GRK4: variants seen among roughly 807,000 people sequenced by gnomAD.
The protein encoded by GRK4 is G protein-coupled receptor kinase 2-like.
In GRK4, 73 loss-of-function variants were observed where a neutral mutation model predicts 77.9. That is an observed-to-expected ratio of 0.94 (90% confidence interval 0.78 to 1.14). The LOEUF (loss-of-function observed/expected upper bound fraction) is 1.14. Among genes scored for constraint, GRK4 ranks in the 50% most tolerant of loss-of-function variants. GRK4 has a pLI of 0.00. For missense variants in GRK4, 729 were observed against 700.2 expected (o/e 1.04, Z -0.46); for synonymous variants, 257 against 254.4 (o/e 1.01, Z -0.10).
chr4:2,971,512 G>A (rs1055273685), intron 1 of GRK4, among the ~76,000 whole-genome samples: 1 of 152,166 alleles, frequency 6.6e-6, no homozygotes, highest in Non-Finnish European at 1.5e-5. Flanking sequence ...AAATGAACAC[G>A]GTAGGTATGC....
chr4:2,984,738 A>C (rs1186089911), intron 2 of GRK4, 130 bp downstream of exon 2: 1 of 433,770 alleles, frequency 2.3e-6, no homozygotes, highest in African/African-American at 2.1e-5. Context: ...TATCTTCATG[A>C]TTCCTCTCAG....
At chr4:2,965,181 C>T (rs758457490) in intron 1 of GRK4, 3 of 656,080 alleles carry the variant, frequency 4.6e-6, no homozygotes, top group Non-Finnish European at 8.4e-6. Context: ...TGTGAATCCA[C>T]TGAGCTGGTG....
chr4:2,964,360 C>G (rs901882135), intron 1 of GRK4, among the ~76,000 whole-genome samples: 1 of 152,152 alleles, frequency 6.6e-6, no homozygotes, highest in African/African-American at 2.4e-5. Flanking sequence ...TGAGAGAAGT[C>G]TGCGCTTTGC....
At chr4:2,974,755 G>T (rs1720599797) in intron 1 of GRK4, among the ~76,000 whole-genome samples, 1 of 152,170 alleles carries the variant, frequency 6.6e-6, no homozygotes, top group Non-Finnish European at 1.5e-5. Context: ...TGATTTCTGA[G>T]ATTTTGGTGC....
At chr4:2,980,528 C>G (rs542327309) in intron 1 of GRK4, among the ~76,000 whole-genome samples, 2 of 151,728 alleles carry the variant, frequency 1.3e-5, no homozygotes, top group South Asian at 4.2e-4. Flanking sequence ...TCTCAATGTG[C>G]AAATACCCCA....
chr4:3,000,991 C>T (rs1367166457), intron 4 of GRK4, among the ~76,000 whole-genome samples: 3 of 151,220 alleles, frequency 2.0e-5, no homozygotes, highest in African/African-American at 7.3e-5. Context: ...TGGCTCTCCC[C>T]TTGGTGATGC....
intron 8 of GRK4, among the ~76,000 whole-genome samples, chr4:3,015,468 G>A (rs1489985214): frequency 6.6e-6 from 1 of 151,680 alleles, no homozygotes; most frequent in Non-Finnish European, 1.5e-5. Context: ...GGCGTCAGGA[G>A]ATCGAGACCC....
intron 4 of GRK4, among the ~76,000 whole-genome samples, chr4:3,000,526 C>A (rs1470720997): frequency 6.6e-6 from 1 of 151,862 alleles, no homozygotes; most frequent in East Asian, 1.9e-4. Flanking sequence ...AGTGAATGAA[C>A]AAACTTCTTT....
chr4:2,984,466 A>T (rs1358954602), intron 1 of GRK4, 47 bp from the exon 2 acceptor site: 2 of 1,028,660 alleles, frequency 1.9e-6, no homozygotes, highest in Admixed American at 1.7e-5. Flanking sequence ...TTATAATTGG[A>T]TATTTCTGAC....
intron 5 of GRK4, among the ~76,000 whole-genome samples, chr4:3,005,760 T>C (rs116561689): frequency 0.012 from 1,750 of 152,172 alleles, 25 homozygotes; most frequent in African/African-American, 0.036. Flanking sequence ...GCCTCCCCTG[T>C]ACTCCACTGT....
chr4:3,034,095 G>A (rs978391721), intron 12 of GRK4, among the ~76,000 whole-genome samples: 2 of 152,140 alleles, frequency 1.3e-5, no homozygotes, highest in African/African-American at 4.8e-5. Flanking sequence ...TGTCATCGAG[G>A]AGAGGTGGAG....
At position 2,964,138 on chromosome 4, in the gene GRK4, G is replaced by A. The variant is rs781627042; in HGVS notation, c.52+16G>A. On this transcript the variant is annotated intron_variant, in intron 1 of 15. Coordinates refer to ENST00000398052, the MANE Select transcript of GRK4 (RefSeq NM_182982.3). ...GCGCGTCAAGGTGGGTGCGCGGCAGGCGCCCCCGACCCCCCCCCCAGAGAA... is the reference window on the plus strand; with the variant it reads ...GCGCGTCAAGGTGGGTGCGCGGCAGACGCCCCCGACCCCCCCCCCAGAGAA... 7 of 1,578,840 alleles carry A rather than the reference G, an allele frequency of 4.4e-6. No individual in the cohort carries two copies. The South Asian group carries it at 8.0e-5, about 18-fold the overall frequency.
At chr4:3,039,698 T>TTA (rs546497545) in intron 15 of GRK4, among the ~76,000 whole-genome samples, 73 of 115,196 alleles carry the variant, frequency 6.3e-4, no homozygotes, top group African/African-American at 2.3e-3. Context: ...AACTCTGTCT[T>TTA]AAAAAAAAAA....
At chr4:3,011,820 C>T (rs1465872934) in intron 7 of GRK4, among the ~76,000 whole-genome samples, 1 of 152,190 alleles carries the variant, frequency 6.6e-6, no homozygotes, top group Admixed American at 6.5e-5. Flanking sequence ...GCTTGAAGTC[C>T]TCCGAAATGA....
intron 12 of GRK4, among the ~76,000 whole-genome samples, chr4:3,032,475 C>A (rs954269913): frequency 6.6e-6 from 1 of 151,998 alleles, no homozygotes; most frequent in African/African-American, 2.4e-5. Flanking sequence ...CTGCTAGGCT[C>A]GGGGAGGGGA....
At chr4:3,038,170 G>C (rs1741359501) in intron 14 of GRK4, among the ~76,000 whole-genome samples, 1 of 152,184 alleles carries the variant, frequency 6.6e-6, no homozygotes, top group South Asian at 2.1e-4. Context: ...TACACTCAGA[G>C]ACAAGGGGAG....
intron 8 of GRK4, 61 bp from the exon 9 acceptor site, chr4:3,019,580 G>C: frequency 7.6e-7 from 1 of 1,308,660 alleles, no homozygotes; most frequent in Non-Finnish European, 1.1e-6. Context: ...TTAGCAAATA[G>C]AGGAAATCAC....
chr4:3,019,422 A>G (rs1024117538), intron 8 of GRK4, among the ~76,000 whole-genome samples: 2 of 152,196 alleles, frequency 1.3e-5, no homozygotes, highest in African/African-American at 4.8e-5. Context: ...TTAGCTGTAG[A>G]AAGTTCTCTC....
intron 10 of GRK4, among the ~76,000 whole-genome samples, chr4:3,025,158 C>G (rs138674415): frequency 6.6e-6 from 1 of 150,586 alleles, no homozygotes; most frequent in Admixed American, 6.7e-5. Flanking sequence ...GTAGTCCCAG[C>G]TACTTGAGGG....
Sources: allele counts gnomAD v4.1 joint callset (sites outside exome capture counted in the v4.1 genomes callset), GRCh38; gene constraint gnomAD v4.1.1; transcripts MANE v1.5; gene names NCBI Gene and HGNC (gene_info 2026-07-23, HGNC 2026-07-21).